ATXN1: variants seen among roughly 807,000 people sequenced by gnomAD.
ATXN1 encodes ataxin-1.
In ATXN1, 8 loss-of-function variants were observed where a neutral mutation model predicts 56.4. The observed-to-expected ratio is 0.14, with a 90% CI of 0.08 to 0.26. ATXN1 has a LOEUF of 0.26. Ranked by LOEUF, ATXN1 falls within the 10% of genes least tolerant of loss-of-function variation. The probability of loss-of-function intolerance (pLI) is 1.00; values close to 1 mark genes in which losing one functional copy is unlikely to be tolerated. For synonymous variants in ATXN1, 514 were observed against 494.6 expected (o/e 1.04, Z -0.52); for missense variants, 987 against 1,106.5 (o/e 0.89, Z 1.53).
chr6:16,599,913 A>G (rs1164367879), intron 3 of ATXN1, among the ~76,000 whole-genome samples: 2 of 152,184 alleles, frequency 1.3e-5, no homozygotes, highest in Admixed American at 1.3e-4. Flanking sequence ...CACTAAATCT[A>G]ACAGTGTTCA....
intron 2 of ATXN1, among the ~76,000 whole-genome samples, chr6:16,731,556 G>A (rs1019104179): frequency 6.9e-6 from 1 of 145,826 alleles, no homozygotes; most frequent in African/African-American, 2.5e-5. Context: ...GGGCTGCAAG[G>A]CTTTGACCTT....
intron 5 of ATXN1, among the ~76,000 whole-genome samples, chr6:16,486,894 C>T (rs75343357): frequency 0.026 from 3,936 of 152,124 alleles, 96 homozygotes; most frequent in Non-Finnish European, 0.042. Flanking sequence ...TTCCGCCCAC[C>T]GAAGACAACA....
chr6:16,470,047 A>G (rs1003178902), intron 6 of ATXN1, among the ~76,000 whole-genome samples: 2 of 152,196 alleles, frequency 1.3e-5, no homozygotes, highest in Admixed American at 1.3e-4. Context: ...CCATAGCAGC[A>G]TTATTAACAA....
In ATXN1 at chr6:16,327,982, T is replaced by TGCGGGGTGGCGTACGCGGCAGGCA; in HGVS notation, c.305_328dup (p.Leu102_Pro109dup). On this transcript the variant is annotated inframe_insertion, in exon 7 of 8. Transcript: ENST00000436367. Reference sequence around the variant, plus strand: ...CACGGGGGACACCGGGGTCCCTGGCTGCGGGGTGGCGTACGCGGCAGGCAG... The same window carrying TGCGGGGTGGCGTACGCGGCAGGCA: ...CACGGGGGACACCGGGGTCCCTGGCTGCGGGGTGGCGTACGCGGCAGGCAGCGGGGTGGCGTACGCGGCAGGCAG... The TGCGGGGTGGCGTACGCGGCAGGCA allele has an allele frequency of 6.2e-7, 1 of 1,613,514 alleles. No individual in the cohort carries two copies. Among genetic ancestry groups the TGCGGGGTGGCGTACGCGGCAGGCA allele is most frequent in the African/African-American group, 1.3e-5 (1 of 75,028 alleles).
intron 6 of ATXN1, among the ~76,000 whole-genome samples, chr6:16,344,932 G>A (rs1399999343): frequency 6.6e-6 from 1 of 152,172 alleles, no homozygotes; most frequent in Non-Finnish European, 1.5e-5. Context: ...TGCAATCCTT[G>A]TTTTCACGTG....
intron 6 of ATXN1, among the ~76,000 whole-genome samples, chr6:16,429,056 G>C (rs901696782): frequency 3.9e-5 from 6 of 151,972 alleles, no homozygotes; most frequent in Admixed American, 3.3e-4. Flanking sequence ...CGAGGGTAGG[G>C]GGGTGGGAGG....
intron 6 of ATXN1, among the ~76,000 whole-genome samples, chr6:16,344,014 C>T (rs759074242): frequency 1.3e-5 from 2 of 152,218 alleles, no homozygotes; most frequent in African/African-American, 2.4e-5. Context: ...GTGCGCATCA[C>T]ATTCACCCGG....
intron 3 of ATXN1, chr6:16,652,956 C>T (rs772358713): frequency 6.6e-5 from 10 of 152,184 alleles, no homozygotes; most frequent in Non-Finnish European, 1.5e-4. Flanking sequence ...TTCACACAAA[C>T]TGAATTCAGG....
In ATXN1 at chr6:16,581,195, CTGTGTG is replaced by C. The variant is rs60028007; in HGVS notation, c.-361+4579_-361+4584del. 4.4e-3 allele frequency among the ~76,000 whole-genome samples: 613 copies of C among 140,236 alleles called. 2 individuals are homozygous for C. The highest frequency in any genetic ancestry group is 0.014 in the African/African-American group (543 of 37,548). The allele number at this position is 140,236 out of a possible 152,430, so 92.0% of individuals were successfully genotyped here. On this transcript the variant is annotated intron_variant, in intron 4 of 7. Coordinates refer to ENST00000436367, the MANE Select transcript of ATXN1 (RefSeq NM_001128164.2). ...AAAAGACCCCATGTTCGAGAATGCA[CTGTGTG>C]TGTGTGTGTGTGTGTGTGTGTGTGC...
chr6:16,316,861 C>T (rs992550198), intron 7 of ATXN1, among the ~76,000 whole-genome samples: 2 of 96,916 alleles, frequency 2.1e-5, no homozygotes, highest in East Asian at 7.6e-4. Flanking sequence ...GAGAGACTGC[C>T]TGTCTTTTTT....
At chr6:16,320,034 T>G (rs954117007) in intron 7 of ATXN1, among the ~76,000 whole-genome samples, 1 of 152,120 alleles carries the variant, frequency 6.6e-6, no homozygotes, top group African/African-American at 2.4e-5. Flanking sequence ...ATCTATTTTT[T>G]GATACATTAG....
At chr6:16,398,553 CAT>C (rs1561880885) in intron 6 of ATXN1, among the ~76,000 whole-genome samples, 2 of 152,034 alleles carry the variant, frequency 1.3e-5, no homozygotes, top group African/African-American at 2.4e-5. Context: ...TATATATGAA[CAT>C]GTGTGCACTC....
chr6:16,338,473 A>T lies in ATXN1; in HGVS notation c.-160-10003T>A, dbSNP rs556158433. 1.1e-3 allele frequency among the ~76,000 whole-genome samples: 162 copies of T among 152,356 alleles called. 7 individuals are homozygous for T. In the South Asian group the frequency reaches 0.032, roughly 30 times the overall value. ...ACACCACTGCACTCCAGCCTGGGCG[A>T]CAGAGCGAGACTCCATCTCAAAATA... is the stretch of plus-strand genomic sequence containing the variant. On this transcript the variant is annotated intron_variant, in intron 6 of 7. Transcript: ENST00000436367.
In ATXN1 at chr6:16,306,377, A is replaced by C. The variant is rs763975089; in HGVS notation, c.2400T>G (p.Pro800=). ...PLTLPKPSLI[P]QEVKICIEGR... is the part of the protein sequence containing the mutation. ...CTTCAATGCAAATCTTAACCTCCTGAGGAATTAGAGAAGGCTTAGGAAGAG... is the reference window on the plus strand; with the variant it reads ...CTTCAATGCAAATCTTAACCTCCTGCGGAATTAGAGAAGGCTTAGGAAGAG... Residue 800 remains proline, a synonymous_variant, in exon 8 of 8, where the codon CCT becomes CCG. Coordinates refer to ENST00000436367, the MANE Select transcript of ATXN1 (RefSeq NM_001128164.2). This position sits in a 1 kb window ranked among gnomAD's most constrained non-coding sequence, Gnocchi z 5.2. The C allele has an allele frequency of 6.2e-7, 1 of 1,613,650 alleles. No individual in the cohort carries two copies. Among genetic ancestry groups the C allele is most frequent in the Non-Finnish European group, 8.5e-7 (1 of 1,179,874 alleles).
At chr6:16,512,918 G>A (rs1448966900) in intron 5 of ATXN1, among the ~76,000 whole-genome samples, 4 of 152,188 alleles carry the variant, frequency 2.6e-5, no homozygotes, top group Admixed American at 1.3e-4. Context: ...TGTCCTTCTT[G>A]CACTCACGTT....
At chr6:16,552,699 T>C (rs149370345) in intron 4 of ATXN1, among the ~76,000 whole-genome samples, 1 of 152,240 alleles carries the variant, frequency 6.6e-6, no homozygotes, top group Non-Finnish European at 1.5e-5. Context: ...ACAGAAATAA[T>C]TACTATCCGC....
chr6:16,616,988 T>A (rs1258881822), intron 3 of ATXN1, among the ~76,000 whole-genome samples: 1 of 152,046 alleles, frequency 6.6e-6, no homozygotes, highest in Non-Finnish European at 1.5e-5. Context: ...TTGTTGTTAA[T>A]CTCTAATTTA....
intron 7 of ATXN1, among the ~76,000 whole-genome samples, chr6:16,325,135 T>A (rs1464647739): frequency 1.3e-5 from 2 of 150,678 alleles, no homozygotes; most frequent in African/African-American, 4.9e-5. Context: ...TTTTTTTGTC[T>A]GAGACAGAGT....
chr6:16,453,335 C>A (rs1221357335), intron 6 of ATXN1, among the ~76,000 whole-genome samples: 1 of 152,044 alleles, frequency 6.6e-6, no homozygotes, highest in South Asian at 2.1e-4. Flanking sequence ...GTGGCAGGTG[C>A]CTGTAGTCCC....
Sources: allele counts gnomAD v4.1 joint callset (sites outside exome capture counted in the v4.1 genomes callset), GRCh38; gene constraint gnomAD v4.1.1; non-coding constraint Gnocchi (gnomAD v3.1); transcripts MANE v1.5; gene names NCBI Gene and HGNC (gene_info 2026-07-23, HGNC 2026-07-21).